LEMD2: variants seen among roughly 807,000 people sequenced by gnomAD.
LEMD2 encodes the protein LEM domain-containing protein 2.
Under a neutral mutation model 58.8 loss-of-function variants are expected in LEMD2, and 34 were observed. That is an observed-to-expected ratio of 0.58 (90% CI 0.44 to 0.77). The LOEUF is 0.77. Among genes scored for constraint, LEMD2 ranks in the 30% least tolerant of loss-of-function variants. The pLI is 0.00. For synonymous variants in LEMD2, 298 were observed against 308.9 expected, an observed-to-expected ratio of 0.96 and a Z score of 0.37; for missense variants, 629 against 717.9, an observed-to-expected ratio of 0.88 and a Z score of 1.42.
chr6:33,784,277 A>G (rs1369879431), intron 3 of LEMD2, 75 bp downstream of exon 3: 21 of 1,170,336 alleles, frequency 1.8e-5, no homozygotes, highest in Non-Finnish European at 2.3e-5. Flanking sequence ...CAGCAGTGTA[A>G]CTAAGCCTGA....
Position 33,781,273 on chromosome 6 carries a change from C to T in LEMD2, c.854-120G>A, listed in dbSNP as rs1411846236. 10 of 664,048 alleles carry T rather than the reference C, an allele frequency of 1.5e-5. No homozygotes were observed. In the East Asian group the frequency reaches 2.7e-4, roughly 18 times the overall value. 41.1% of individuals were successfully genotyped at this position (664,048 alleles called of 1,614,324 possible). On this transcript the variant is annotated intron_variant, in intron 3 of 8. Coordinates refer to ENST00000293760, the MANE Select transcript of LEMD2 (RefSeq NM_181336.4). ...ATAAGGAGCATGTTGCCCAGCGGCT[C>T]CTGGCTTCTGTGGGGCATCTTCACT...
chr6:33,786,863 TAAAGCATTACC>T, intron 1 of LEMD2, 89 bp from the exon 2 acceptor site: 1 of 1,572,698 alleles, frequency 6.4e-7, no homozygotes, highest in Non-Finnish European at 8.6e-7. Flanking sequence ...TTGGAGGGAG[TAAAGCATTACC>T]AAGCCAAGGG....
In LEMD2 at chr6:33,780,188, G is replaced by T. The variant is rs1417219819; in HGVS notation, c.931-9C>A. 1 of 1,579,094 alleles carries T rather than the reference G, an allele frequency of 6.3e-7. No homozygotes were observed. On this transcript the variant is annotated splice_polypyrimidine_tract_variant and intron_variant, in intron 4 of 8. Transcript: ENST00000293760. The stretch of plus-strand genomic sequence containing the variant: ...GAGCTGCTGGTCACATTCTGTGGGA[G>T]GGCGCGGGAGAAGGTTAGTTCGGCG...
intron 8 of LEMD2, among the ~76,000 whole-genome samples, chr6:33,775,269 G>T (rs912463739): frequency 2.0e-5 from 3 of 152,240 alleles, no homozygotes; most frequent in African/African-American, 7.2e-5. Context: ...CTTTCCAGGG[G>T]TGAGGTGAGC....
Position 33,784,278 on chromosome 6 carries a change from C to G in LEMD2, c.853+74G>C. ...GTCTCGCTGGCCAGCAGCAGTGTAA[C>G]TAAGCCTGATGAACCGGGTCAGCCG... On this transcript the variant is annotated intron_variant, in intron 3 of 8. Transcript: ENST00000293760. 4.2e-6 allele frequency: 5 copies of G among 1,187,174 alleles called. No individual in the cohort carries two copies. The South Asian group carries it at 4.9e-5, about 12-fold the overall frequency. 73.5% of individuals were successfully genotyped at this position (1,187,174 alleles called of 1,614,324 possible). A position where few individuals can be genotyped will look rare whatever the true frequency, so the allele number is the denominator to read the frequency against.
intron 3 of LEMD2, chr6:33,781,759 C>A: frequency 6.6e-6 from 1 of 151,494 alleles, no homozygotes; most frequent in Non-Finnish European, 1.5e-5. Flanking sequence ...GGGGCCATCT[C>A]CCCTGGGAAG....
intron 3 of LEMD2, among the ~76,000 whole-genome samples, chr6:33,782,757 G>C (rs904711944): frequency 6.6e-6 from 1 of 152,226 alleles, no homozygotes; most frequent in African/African-American, 2.4e-5. Flanking sequence ...GCAGGACCTG[G>C]AGCTGAGTCA....
At chr6:33,782,062 C>T (rs1335133979) in intron 3 of LEMD2, 1 of 152,178 alleles carries the variant, frequency 6.6e-6, no homozygotes, top group African/African-American at 2.4e-5. Flanking sequence ...CTGTCGCCTT[C>T]CCCTAACACA....
At chr6:33,785,872 C>T (rs1475784053) in intron 2 of LEMD2, among the ~76,000 whole-genome samples, 1 of 152,220 alleles carries the variant, frequency 6.6e-6, no homozygotes, top group Non-Finnish European at 1.5e-5. Context: ...ATGACACACC[C>T]GAAGCCAAAG....
chr6:33,789,026 A>G lies in LEMD2; in HGVS notation c.91T>C (p.Tyr31His). 1 of 1,557,244 alleles carries G rather than the reference A, an allele frequency of 6.4e-7. No homozygotes were observed. The highest frequency in any genetic ancestry group is 8.6e-7 in the Non-Finnish European group (1 of 1,158,364). The change falls in exon 1 of 9, where the codon TAC (tyrosine) becomes CAC (histidine). Residue 31 changes from tyrosine to histidine, a missense_variant. Physicochemically the swap from Tyr to His is moderately conservative, Grantham distance 83. Around this residue, in one of 2 missense-constraint regions of LEMD2, gnomAD observed 386 missense variants for 381.1 expected, o/e 1.01. Coordinates refer to ENST00000293760, the MANE Select transcript of LEMD2 (RefSeq NM_181336.4). Reference protein sequence around the residue: ...GPITDTTRDVYRNKLRRLRGE... With the variant: ...GPITDTTRDVHRNKLRRLRGE... ...CGCAGGCGGCGCAGCTTGTTGCGGT[A>G]GACATCCCGGGTGGTGTCGGTGATG...
intron 5 of LEMD2, chr6:33,779,142 G>T (rs1199647234): frequency 6.6e-6 from 1 of 152,190 alleles, no homozygotes; most frequent in Non-Finnish European, 1.5e-5. Flanking sequence ...AACATGAAAA[G>T]GTGAGTGTCA....
intron 8 of LEMD2, among the ~76,000 whole-genome samples, chr6:33,776,366 G>C (rs985709596): frequency 6.6e-6 from 1 of 152,168 alleles, no homozygotes; most frequent in Non-Finnish European, 1.5e-5. Flanking sequence ...AAAGCCTCAA[G>C]GAGTGTGTCA....
Position 33,778,145 on chromosome 6 carries a change from A to G in LEMD2, c.1156+97T>C, listed in dbSNP as rs1439243960. ...CAGACCTCAGGTTCACTAGACAGAA[A>G]TGAACCCTCCGGGCCTGGAATTTCT... On this transcript the variant is annotated intron_variant, in intron 6 of 8. Transcript: ENST00000293760. The surrounding 1 kb of genome is among the most constrained non-coding windows in gnomAD (Gnocchi z 4.7). The G allele has an allele frequency of 8.0e-7, 1 of 1,245,778 alleles. No individual in the cohort carries two copies. Among genetic ancestry groups the G allele is most frequent in the Non-Finnish European group, 1.1e-6 (1 of 929,280 alleles). The allele number at this position is 1,245,778 out of a possible 1,614,324, so 77.2% of individuals were successfully genotyped here.
intron 8 of LEMD2, among the ~76,000 whole-genome samples, chr6:33,773,570 G>A (rs115738704): frequency 0.02 from 2,948 of 147,550 alleles, 76 homozygotes; most frequent in African/African-American, 0.065. Context: ...GAGGACAAAC[G>A]GAGGTGGCCA....
chr6:33,773,343 C>T (rs940656902), intron 8 of LEMD2, among the ~76,000 whole-genome samples: 4 of 152,084 alleles, frequency 2.6e-5, no homozygotes, highest in Non-Finnish European at 4.4e-5. Context: ...GGGCCTTGCA[C>T]CCCCCTGGAC....
chr6:33,782,999 T>G (rs1471460259), intron 3 of LEMD2, among the ~76,000 whole-genome samples: 1 of 152,234 alleles, frequency 6.6e-6, no homozygotes, highest in African/African-American at 2.4e-5. Context: ...AAATATCTAC[T>G]AGGACCCAAT....
At chr6:33,773,433 C>A (rs1367013805) in intron 8 of LEMD2, among the ~76,000 whole-genome samples, 1 of 152,160 alleles carries the variant, frequency 6.6e-6, no homozygotes, top group African/African-American at 2.4e-5. Flanking sequence ...TCACTTTGAT[C>A]TTCTCCCTTT....
At chr6:33,775,294 G>A (rs1380141039) in intron 8 of LEMD2, among the ~76,000 whole-genome samples, 1 of 152,174 alleles carries the variant, frequency 6.6e-6, no homozygotes, top group Non-Finnish European at 1.5e-5. Flanking sequence ...CAGGCAACAA[G>A]CACCTTCATG....
intron 4 of LEMD2, 60 bp downstream of exon 4, chr6:33,781,017 A>T: frequency 8.5e-7 from 1 of 1,180,640 alleles, no homozygotes. Flanking sequence ...CAGGGCTTGA[A>T]AGACCAATAG....
Sources: allele counts gnomAD v4.1 joint callset (sites outside exome capture counted in the v4.1 genomes callset), GRCh38; gene constraint gnomAD v4.1.1; regional missense constraint gnomAD v4.1.1; non-coding constraint Gnocchi (gnomAD v3.1); transcripts MANE v1.5; gene names NCBI Gene and HGNC (gene_info 2026-07-23, HGNC 2026-07-21).